VPS13D: variants seen among roughly 807,000 people sequenced by gnomAD.
VPS13D encodes intermembrane lipid transfer protein VPS13D.
VPS13D carries 187 observed loss-of-function variants against 461.9 expected under a neutral mutation model. That is an observed-to-expected ratio of 0.40 (90% confidence interval 0.36 to 0.46). The LOEUF (loss-of-function observed/expected upper bound fraction) is 0.46. Among genes scored for constraint, VPS13D ranks in the 20% least tolerant of loss-of-function variants. The pLI, the probability that VPS13D is intolerant of heterozygous loss-of-function variation, is 0.60. For synonymous variants in VPS13D, 1,951 were observed against 1,986.3 expected (o/e 0.98, Z 0.47); for missense variants, 4,711 against 5,364.9 (o/e 0.88, Z 3.81).
chr1:12,293,524 A>T lies in VPS13D; in HGVS notation c.5853A>T (p.Lys1951Asn). 1 of 1,594,188 alleles carries T rather than the reference A, an allele frequency of 6.3e-7. No homozygotes were observed. The highest frequency in any genetic ancestry group is 8.6e-7 in the Non-Finnish European group (1 of 1,168,988). ...GEEALIFQTF[K>N]YGRPDPLLRR... ...GTCACACTTTTATCCTAATTTTTAG[A>T]TACGGACGGCCTGACCCTCTGCTCC... Residue 1951 changes from lysine to asparagine, a missense_variant and splice_region_variant, in exon 24 of 70, where the codon AAA becomes AAT. By Grantham distance (94) the Lys-to-Asn change is moderately conservative (BLOSUM62 0). Around this residue, in one of 3 missense-constraint regions of VPS13D, gnomAD observed 4,411 missense variants for 4,937.8 expected, o/e 0.89. Coordinates refer to ENST00000620676, the MANE Select transcript of VPS13D (RefSeq NM_015378.4).
chr1:12,446,508 T>C (rs1175684082), intron 65 of VPS13D, among the ~76,000 whole-genome samples: 2 of 152,132 alleles, frequency 1.3e-5, no homozygotes, highest in African/African-American at 4.8e-5. Flanking sequence ...TTTTTTACCC[T>C]AGGAGCATGG....
rs1398269915 is a variant in VPS13D, at chr1:12,509,914, AACTGTTGCAACAAATC to A, written c.*892_*907del. 6.6e-6 allele frequency: 1 copy of A among 152,240 alleles called. No homozygotes were observed. The highest frequency in any genetic ancestry group is 1.5e-5 in the Non-Finnish European group (1 of 68,036). 9.4% of individuals were successfully genotyped at this position (152,240 alleles called of 1,614,324 possible). ...GAGAAGGAAAAAAAAAGTCCCATTG[AACTGTTGCAACAAATC>A]AGAAATCCACATAAAAGTGCTCTCC... On this transcript the variant is annotated 3_prime_UTR_variant, in exon 70 of 70. Transcript: ENST00000620676.
intron 65 of VPS13D, among the ~76,000 whole-genome samples, chr1:12,426,726 T>A (rs1187096010): frequency 2.0e-5 from 3 of 152,064 alleles, no homozygotes; most frequent in Non-Finnish European, 4.4e-5. Context: ...GTTTTAAATT[T>A]AGTTCTGCAG....
chr1:12,416,934 T>G (rs1644801186), intron 65 of VPS13D, 107 bp downstream of exon 65: 1 of 1,261,306 alleles, frequency 7.9e-7, no homozygotes, highest in African/African-American at 1.5e-5. Flanking sequence ...ATTCATGGCT[T>G]TTGCTTCATT....
At chr1:12,401,744 C>A in intron 62 of VPS13D, 40 bp downstream of exon 62, 2 of 1,539,544 alleles carry the variant, frequency 1.3e-6, no homozygotes, top group South Asian at 1.1e-5. Context: ...GGGAATTGGT[C>A]CAAAGATGGT....
intron 23 of VPS13D, among the ~76,000 whole-genome samples, chr1:12,292,339 T>C (rs549730885): frequency 2.0e-5 from 3 of 151,262 alleles, no homozygotes; most frequent in African/African-American, 4.9e-5. Context: ...CCCTTTTTTT[T>C]TTCTTTTTTT....
intron 68 of VPS13D, among the ~76,000 whole-genome samples, chr1:12,503,396 A>T (rs1646060532): frequency 6.6e-6 from 1 of 150,828 alleles, no homozygotes; most frequent in African/African-American, 2.4e-5. Context: ...GTGGCCCAGG[A>T]TGGTCTCAAA....
chr1:12,488,669 C>CAAA (rs79424685), intron 67 of VPS13D, among the ~76,000 whole-genome samples: 14 of 82,746 alleles, frequency 1.7e-4, no homozygotes, highest in Middle Eastern at 6.3e-3. Context: ...TCATTTGAAC[C>CAAA]AAAAAAAAAA....
chr1:12,390,619 ACT>A (rs1644412185), intron 60 of VPS13D, among the ~76,000 whole-genome samples: 1 of 152,126 alleles, frequency 6.6e-6, no homozygotes, highest in South Asian at 2.1e-4. Context: ...GTGAAGACAA[ACT>A]CTGCCCTTTC....
intron 67 of VPS13D, among the ~76,000 whole-genome samples, chr1:12,470,687 G>A (rs1645551840): frequency 6.6e-6 from 1 of 152,188 alleles, no homozygotes; most frequent in Non-Finnish European, 1.5e-5. Context: ...TTTGGTTTGT[G>A]TGTTAATATT....
In VPS13D at chr1:12,257,871, G is replaced by A; in HGVS notation, c.942-64G>A. 1.9e-6 allele frequency: 3 copies of A among 1,590,434 alleles called. No homozygotes were observed. In the South Asian group the frequency reaches 3.4e-5, roughly 18 times the overall value. ...GGAGTGGGGTTATGTGGATTGTCCT[G>A]GATTGGTAGCCTTTTCGTTGCTTTT... On this transcript the variant is annotated intron_variant, in intron 9 of 69. Coordinates refer to ENST00000620676, the MANE Select transcript of VPS13D (RefSeq NM_015378.4).
chr1:12,305,105 A>G (rs1436390781), intron 26 of VPS13D, among the ~76,000 whole-genome samples: 3 of 152,380 alleles, frequency 2.0e-5, no homozygotes, highest in Admixed American at 6.5e-5. Flanking sequence ...AGTCTAAAAA[A>G]TATAAAAGAA....
chr1:12,283,614 A>C lies in VPS13D; in HGVS notation c.5512A>C (p.Thr1838Pro). 17 of 1,614,202 alleles carry C rather than the reference A, an allele frequency of 1.1e-5. No individual in the cohort carries two copies. Among genetic ancestry groups the C allele is most frequent in the Non-Finnish European group, 1.4e-5 (17 of 1,180,040 alleles). The change falls in exon 21 of 70, where the codon ACT becomes CCT. Residue 1838 changes from threonine (T) to proline (P), a missense_variant. Coordinates refer to ENST00000620676, the MANE Select transcript of VPS13D (RefSeq NM_015378.4). ...ATTAGACTTTTTTGGAATCGGCTCC[A>C]CTGCAGACAACCACGCAATGAGGCT... ...VILDFFGIGS[T>P]ADNHAMRLPP...
At position 12,473,021 on chromosome 1, in the gene VPS13D, G is replaced by A. The variant is rs1359190383; in HGVS notation, c.12662+12625G>A. On this transcript the variant is annotated intron_variant, in intron 67 of 69. Coordinates refer to ENST00000620676, the MANE Select transcript of VPS13D (RefSeq NM_015378.4). This position sits in a 1 kb window ranked among gnomAD's most constrained non-coding sequence, Gnocchi z 4.2. ...GTTGTAAAGAAACAGGTTGTGGAAG[G>A]CTCTTGTCAGATCCCAGGAACATGA... Among the ~76,000 whole-genome samples the A allele has an allele frequency of 6.6e-6, 1 of 152,158 alleles. No homozygotes were observed. The highest frequency in any genetic ancestry group is 1.9e-4 in the East Asian group (1 of 5,194).
chr1:12,379,793 G>A (rs1159449661), intron 57 of VPS13D, among the ~76,000 whole-genome samples, 197 bp downstream of exon 57: 4 of 150,856 alleles, frequency 2.7e-5, no homozygotes, highest in South Asian at 2.1e-4. Flanking sequence ...TTTTGAGGTG[G>A]AGTCTTGCTC....
intron 39 of VPS13D, 36 bp from the exon 40 acceptor site, chr1:12,338,195 T>G: frequency 1.3e-6 from 2 of 1,561,264 alleles, no homozygotes; most frequent in Non-Finnish European, 1.8e-6. Flanking sequence ...ACTGTATTTA[T>G]TCTTAGCCTC....
chr1:12,438,871 T>A (rs964840073), intron 65 of VPS13D, among the ~76,000 whole-genome samples: 5 of 152,176 alleles, frequency 3.3e-5, no homozygotes, highest in African/African-American at 1.2e-4. Flanking sequence ...CTTCTCCATC[T>A]CCTTTCTGCC....
At chr1:12,337,832 C>G (rs1643483354) in intron 39 of VPS13D, 1 of 161,944 alleles carries the variant, frequency 6.2e-6, no homozygotes, top group Admixed American at 5.9e-5. Flanking sequence ...CTGTGTTTTA[C>G]CAGTTGGAAT....
chr1:12,244,482 G>A (rs373068093), intron 4 of VPS13D, 46 bp downstream of exon 4: 111 of 1,613,814 alleles, frequency 6.9e-5, no homozygotes, highest in Non-Finnish European at 8.7e-5. Flanking sequence ...GTGGTGACAC[G>A]TGTAAGATGA....
Sources: allele counts gnomAD v4.1 joint callset (sites outside exome capture counted in the v4.1 genomes callset), GRCh38; gene constraint gnomAD v4.1.1; regional missense constraint gnomAD v4.1.1; non-coding constraint Gnocchi (gnomAD v3.1); transcripts MANE v1.5; gene names NCBI Gene and HGNC (gene_info 2026-07-23, HGNC 2026-07-21).